CHCHD3: variants seen among roughly 807,000 people sequenced by gnomAD.
The protein encoded by CHCHD3 is coiled-coil-helix-coiled-coil-helix domain containing 3.
In CHCHD3, 20 loss-of-function variants were observed where a neutral mutation model predicts 38.2. The ratio of observed to expected loss-of-function variants is 0.52; its 90% CI spans 0.37 to 0.76. The LOEUF is 0.76. Among genes scored for constraint, CHCHD3 ranks in the 30% least tolerant of loss-of-function variants. The pLI is 0.00. For synonymous variants in CHCHD3, 82 were observed against 100.0 expected, an observed-to-expected ratio of 0.82 and a Z score of 1.07; for missense variants, 245 against 279.2, an observed-to-expected ratio of 0.88 and a Z score of 0.87.
chr7:133,060,688 C>A (rs966691391), intron 2 of CHCHD3, among the ~76,000 whole-genome samples: 5 of 152,158 alleles, frequency 3.3e-5, no homozygotes, highest in African/African-American at 7.2e-5. Flanking sequence ...ATGGGTGGAT[C>A]ACCTGACGTC....
At chr7:132,799,005 T>TTC (rs1438263970) in intron 6 of CHCHD3, among the ~76,000 whole-genome samples, 2 of 129,210 alleles carry the variant, frequency 1.5e-5, no homozygotes, top group African/African-American at 6.4e-5. Context: ...TGGTGATCTG[T>TTC]TCTGTGTGTG....
intron 7 of CHCHD3, among the ~76,000 whole-genome samples, 155 bp from the exon 8 acceptor site, chr7:132,785,815 C>A (rs188506773): frequency 6.6e-6 from 1 of 152,258 alleles, no homozygotes; most frequent in Non-Finnish European, 1.5e-5. Flanking sequence ...AAATATTGCT[C>A]CTTTAATCAA....
intron 3 of CHCHD3, among the ~76,000 whole-genome samples, chr7:132,999,531 A>T (rs1812512005): frequency 6.6e-6 from 1 of 152,160 alleles, no homozygotes; most frequent in Non-Finnish European, 1.5e-5. Flanking sequence ...ATATTGCCTT[A>T]TTCTGTTTCT....
intron 5 of CHCHD3, among the ~76,000 whole-genome samples, chr7:132,846,924 T>C (rs1304035118): frequency 6.6e-6 from 1 of 152,216 alleles, no homozygotes; most frequent in Non-Finnish European, 1.5e-5. Flanking sequence ...ACAGTAACAG[T>C]TGAAGCTCGA....
intron 4 of CHCHD3, among the ~76,000 whole-genome samples, chr7:132,903,593 A>G (rs1252558038): frequency 6.6e-6 from 1 of 152,194 alleles, no homozygotes; most frequent in Non-Finnish European, 1.5e-5. Context: ...CCCAACAACA[A>G]CAACAACAAC....
At chr7:132,960,054 C>A (rs1199112695) in intron 4 of CHCHD3, among the ~76,000 whole-genome samples, 2 of 152,168 alleles carry the variant, frequency 1.3e-5, no homozygotes, top group Non-Finnish European at 2.9e-5. Context: ...GCAGCAGCAA[C>A]CTTTGTTGCA....
chr7:133,080,702 G>C (rs979254199), intron 1 of CHCHD3, among the ~76,000 whole-genome samples: 1 of 152,084 alleles, frequency 6.6e-6, no homozygotes, highest in African/African-American at 2.4e-5. Context: ...ATGATATAAA[G>C]AAATACTGGT....
chr7:133,042,936 G>T (rs975535989), intron 2 of CHCHD3, among the ~76,000 whole-genome samples: 7 of 151,954 alleles, frequency 4.6e-5, no homozygotes, highest in Non-Finnish European at 8.8e-5. Flanking sequence ...GCACAAACAC[G>T]GCACACTGTA....
intron 2 of CHCHD3, among the ~76,000 whole-genome samples, chr7:133,045,047 G>A (rs1381495924): frequency 6.6e-6 from 1 of 152,220 alleles, no homozygotes; most frequent in Non-Finnish European, 1.5e-5. Context: ...AGCTTTTCCT[G>A]TCAACAGCAT....
chr7:132,895,186 G>A (rs1225399881), intron 4 of CHCHD3, among the ~76,000 whole-genome samples: 1 of 152,178 alleles, frequency 6.6e-6, no homozygotes, highest in Admixed American at 6.5e-5. Flanking sequence ...AATCCAATGA[G>A]GCCTCTAGCT....
chr7:132,979,971 C>T (rs1286663779), intron 3 of CHCHD3, among the ~76,000 whole-genome samples: 2 of 152,184 alleles, frequency 1.3e-5, no homozygotes, highest in Non-Finnish European at 2.9e-5. Context: ...AGAAAAACTG[C>T]TTATGTTTTC....
Position 133,081,969 on chromosome 7 carries a change from C to T in CHCHD3, c.-32G>A. On this transcript the variant is annotated 5_prime_UTR_variant, in exon 1 of 8. Coordinates refer to ENST00000262570, the MANE Select transcript of CHCHD3 (RefSeq NM_017812.4). ...GGTTCCTGCCCCAGCGGAGACCTAG[C>T]GGGGAACCACGAGCACTTCGGGGCC... The T allele has an allele frequency of 6.6e-7, 1 of 1,512,378 alleles. No individual in the cohort carries two copies. The highest frequency in any genetic ancestry group is 8.9e-7 in the Non-Finnish European group (1 of 1,126,258). The allele number at this position is 1,512,378 out of a possible 1,614,324, so 93.7% of individuals were successfully genotyped here. A position where few individuals can be genotyped will look rare whatever the true frequency, so the allele number is the denominator to read the frequency against.
At chr7:132,888,917 T>C (rs186675378) in intron 4 of CHCHD3, among the ~76,000 whole-genome samples, 64 of 152,112 alleles carry the variant, frequency 4.2e-4, no homozygotes, top group African/African-American at 6.3e-4. Context: ...CTTGTTTATA[T>C]GGACATGGAA....
At chr7:132,914,152 GTGTGTGTGT>G in intron 4 of CHCHD3, among the ~76,000 whole-genome samples, 1 of 151,142 alleles carries the variant, frequency 6.6e-6, no homozygotes, top group Admixed American at 6.6e-5. Context: ...GTGTGTGTGT[GTGTGTGTGT>G]GTGTGTTTAG....
intron 5 of CHCHD3, among the ~76,000 whole-genome samples, chr7:132,862,585 T>C (rs906339880): frequency 1.3e-5 from 2 of 152,228 alleles, no homozygotes; most frequent in African/African-American, 4.8e-5. Context: ...GCTATGACAA[T>C]TTCTTAAATA....
At chr7:132,856,219 C>T (rs1232171768) in intron 5 of CHCHD3, among the ~76,000 whole-genome samples, 1 of 151,936 alleles carries the variant, frequency 6.6e-6, no homozygotes, top group East Asian at 1.9e-4. Flanking sequence ...CAAACAAGAC[C>T]TATAAGCAAG....
At chr7:133,023,401 C>A (rs1313044157) in intron 3 of CHCHD3, among the ~76,000 whole-genome samples, 1 of 152,116 alleles carries the variant, frequency 6.6e-6, no homozygotes, top group Non-Finnish European at 1.5e-5. Context: ...ATACTTAAGG[C>A]TCAAAGAGGT....
intron 3 of CHCHD3, among the ~76,000 whole-genome samples, chr7:133,003,980 G>A (rs1021051922): frequency 9.4e-5 from 14 of 148,694 alleles, no homozygotes; most frequent in African/African-American, 2.2e-4. Context: ...TTTTTGAGAC[G>A]GAGTTTTGCT....
chr7:133,031,222 G>A (rs1429248682), intron 2 of CHCHD3, among the ~76,000 whole-genome samples: 1 of 152,110 alleles, frequency 6.6e-6, no homozygotes, highest in Non-Finnish European at 1.5e-5. Context: ...TATGTGACAG[G>A]TGATGCTCAA....
Sources: allele counts gnomAD v4.1 joint callset (sites outside exome capture counted in the v4.1 genomes callset), GRCh38; gene constraint gnomAD v4.1.1; transcripts MANE v1.5; gene names NCBI Gene and HGNC (gene_info 2026-07-23, HGNC 2026-07-21).